The following MB21D2 variants were observed in gnomAD, a reference collection of about 807,000 sequenced individuals.
The protein encoded by MB21D2 is nucleotidyltransferase MB21D2.
In MB21D2, 9 loss-of-function variants were observed where a neutral mutation model predicts 33.3. That is an observed-to-expected ratio of 0.27 (90% CI 0.16 to 0.47). The LOEUF is 0.47. Ranked by LOEUF, MB21D2 falls within the 20% of genes least tolerant of loss-of-function variation. The probability of loss-of-function intolerance (pLI) is 0.99; values close to 1 mark genes in which losing one functional copy is unlikely to be tolerated. For missense variants in MB21D2, 540 were observed against 624.6 expected, an observed-to-expected ratio of 0.86 and a Z score of 1.44; for synonymous variants, 241 against 236.3, an observed-to-expected ratio of 1.02 and a Z score of -0.18.
chr3:192,810,464 T>C (rs980200699), intron 1 of MB21D2, among the ~76,000 whole-genome samples: 2 of 151,400 alleles, frequency 1.3e-5, no homozygotes, highest in East Asian at 1.9e-4. Flanking sequence ...ATGATCCCAA[T>C]TTATATAAAG....
chr3:192,872,448 C>T (rs1053472953), intron 1 of MB21D2, among the ~76,000 whole-genome samples: 6 of 151,640 alleles, frequency 4.0e-5, no homozygotes, highest in South Asian at 2.1e-4. Context: ...TGGTGGCGAG[C>T]GCCTGTAGTC....
At chr3:192,838,068 C>T (rs1271890676) in intron 1 of MB21D2, among the ~76,000 whole-genome samples, 1 of 152,226 alleles carries the variant, frequency 6.6e-6, no homozygotes, top group Non-Finnish European at 1.5e-5. Flanking sequence ...GCTGCGGCAA[C>T]ATCACTCGTG....
intron 1 of MB21D2, among the ~76,000 whole-genome samples, chr3:192,801,981 A>G (rs1377419679): frequency 3.3e-5 from 5 of 152,218 alleles, no homozygotes; most frequent in Non-Finnish European, 7.3e-5. Context: ...TCAACAATTC[A>G]TCAGAAAGAA....
At chr3:192,810,878 T>G (rs1189498922) in intron 1 of MB21D2, among the ~76,000 whole-genome samples, 1 of 116,932 alleles carries the variant, frequency 8.6e-6, no homozygotes, top group Non-Finnish European at 1.8e-5. Flanking sequence ...TATATGAGTA[T>G]GCTTGTGTGT....
intron 1 of MB21D2, among the ~76,000 whole-genome samples, chr3:192,904,557 G>A (rs73068313): frequency 0.019 from 2,886 of 152,270 alleles, 86 homozygotes; most frequent in African/African-American, 0.065. Context: ...CCCTCAACCA[G>A]CAGCAGCTGC....
At chr3:192,891,259 T>C (rs1386291240) in intron 1 of MB21D2, among the ~76,000 whole-genome samples, 1 of 152,198 alleles carries the variant, frequency 6.6e-6, no homozygotes, top group African/African-American at 2.4e-5. Flanking sequence ...GCATTTGTAA[T>C]ACATTGAAGG....
intron 1 of MB21D2, among the ~76,000 whole-genome samples, chr3:192,854,785 T>C (rs1712881535): frequency 2.0e-5 from 3 of 152,346 alleles, no homozygotes; most frequent in South Asian, 4.1e-4. Flanking sequence ...AGAATTACAC[T>C]AAATCTACTC....
intron 1 of MB21D2, among the ~76,000 whole-genome samples, chr3:192,909,818 G>A (rs796421605): frequency 7.9e-5 from 12 of 151,294 alleles, no homozygotes; most frequent in African/African-American, 2.9e-4. Flanking sequence ...TGTAATCCCA[G>A]CTACTCCAGA....
chr3:192,894,364 C>G (rs920779615), intron 1 of MB21D2, among the ~76,000 whole-genome samples: 19 of 152,098 alleles, frequency 1.2e-4, no homozygotes, highest in Non-Finnish European at 2.5e-4. Context: ...CTCCTAACCT[C>G]AAGTGATCCA....
rs1037898004 is a variant in MB21D2 at position 192,820,984 on chromosome 3, T to C, written c.212-21334A>G. ...GGTCTCGCTATGTTGCTGAGGCTAG[T>C]CCCGAACTCCTGGCCTCAAGCCATC... On this transcript the variant is annotated intron_variant, in intron 1 of 1. Coordinates refer to ENST00000392452, the MANE Select transcript of MB21D2 (RefSeq NM_178496.4). 2.6e-5 allele frequency among the ~76,000 whole-genome samples: 4 copies of C among 152,234 alleles called. No individual in the cohort carries two copies. The East Asian group carries it at 7.7e-4, about 29-fold the overall frequency.
chr3:192,849,913 A>G (rs1333529265), intron 1 of MB21D2, among the ~76,000 whole-genome samples: 1 of 145,378 alleles, frequency 6.9e-6, no homozygotes, highest in Admixed American at 6.9e-5. Context: ...CATGTCATAT[A>G]AAAATTTTCT....
At chr3:192,886,517 A>G (rs1053235034) in intron 1 of MB21D2, among the ~76,000 whole-genome samples, 5 of 152,122 alleles carry the variant, frequency 3.3e-5, no homozygotes, top group African/African-American at 1.2e-4. Flanking sequence ...TTGAATAATA[A>G]TTTAAAAAAG....
intron 1 of MB21D2, among the ~76,000 whole-genome samples, chr3:192,852,383 C>T (rs1712827292): frequency 6.6e-6 from 1 of 152,146 alleles, no homozygotes; most frequent in African/African-American, 2.4e-5. Context: ...TTTTTGTTTG[C>T]TTTGTTTTTT....
intron 1 of MB21D2, among the ~76,000 whole-genome samples, chr3:192,868,118 A>T (rs1044327680): frequency 2.6e-5 from 4 of 152,194 alleles, no homozygotes; most frequent in Non-Finnish European, 5.9e-5. Context: ...TTTATGCAGC[A>T]ATCAGTAACG....
intron 1 of MB21D2, among the ~76,000 whole-genome samples, chr3:192,818,954 G>A (rs1348300078): frequency 6.6e-6 from 1 of 151,670 alleles, no homozygotes; most frequent in Non-Finnish European, 1.5e-5. Flanking sequence ...GTTTGAGCCA[G>A]TTCTCAATTA....
At chr3:192,884,580 G>C (rs1390709420) in intron 1 of MB21D2, among the ~76,000 whole-genome samples, 2 of 151,966 alleles carry the variant, frequency 1.3e-5, no homozygotes, top group African/African-American at 4.8e-5. Flanking sequence ...TGTTAGCCAG[G>C]ATGGTCTTGA....
intron 1 of MB21D2, among the ~76,000 whole-genome samples, chr3:192,809,055 C>G (rs1463086557): frequency 6.6e-6 from 1 of 152,136 alleles, no homozygotes; most frequent in African/African-American, 2.4e-5. Context: ...CCTGTGTCAT[C>G]TCGTTCAATC....
chr3:192,854,100 C>T (rs185638820), intron 1 of MB21D2, among the ~76,000 whole-genome samples: 1 of 152,314 alleles, frequency 6.6e-6, no homozygotes, highest in Admixed American at 6.5e-5. Flanking sequence ...AGACACATGT[C>T]CTTCACCCTA....
intron 1 of MB21D2, among the ~76,000 whole-genome samples, chr3:192,897,387 A>G (rs1714002491): frequency 1.3e-5 from 2 of 152,060 alleles, no homozygotes; most frequent in South Asian, 4.1e-4. Flanking sequence ...GGCCCCACTA[A>G]CCAAGGGTTA....
Sources: gnomAD v4.1 joint callset for allele counts (sites outside exome capture counted in the v4.1 genomes callset) on GRCh38, gnomAD v4.1.1 for gene constraint, MANE v1.5 for transcripts, NCBI Gene and HGNC (gene_info 2026-07-23, HGNC 2026-07-21) for gene names.